ARID4B: variants seen among roughly 807,000 people sequenced by gnomAD.
ARID4B encodes AT-rich interaction domain 4B, also known as AT-rich interactive domain-containing protein 4B.
ARID4B carries 26 observed loss-of-function variants against 147.5 expected under a neutral mutation model. The observed-to-expected ratio is 0.18, with a 90% CI of 0.13 to 0.24. ARID4B has a LOEUF of 0.24. Among genes scored for constraint, ARID4B ranks in the 10% least tolerant of loss-of-function variants. The probability of loss-of-function intolerance (pLI) is 1.00; values close to 1 mark genes in which losing one functional copy is unlikely to be tolerated. For synonymous variants in ARID4B, 512 were observed against 507.9 expected, an observed-to-expected ratio of 1.01 and a Z score of -0.11; for missense variants, 1,179 against 1,511.5, an observed-to-expected ratio of 0.78 and a Z score of 3.65.
chr1:235,256,173 CAAAAA>C (rs58486379), intron 4 of ARID4B, among the ~76,000 whole-genome samples: 57 of 92,486 alleles, frequency 6.2e-4, no homozygotes, highest in Non-Finnish European at 9.1e-4. Flanking sequence ...GACTCTGCCT[CAAAAA>C]AAAAAAAAAA....
At chr1:235,171,137 G>C (rs182162139) in intron 23 of ARID4B, among the ~76,000 whole-genome samples, 3 of 151,976 alleles carry the variant, frequency 2.0e-5, no homozygotes, top group Admixed American at 6.6e-5. Context: ...TGGTAAGAAT[G>C]ATACCTTATT....
chr1:235,247,550 A>G (rs1295061875), intron 6 of ARID4B, among the ~76,000 whole-genome samples: 1 of 152,224 alleles, frequency 6.6e-6, no homozygotes, highest in Non-Finnish European at 1.5e-5. Flanking sequence ...CTAGCCATAA[A>G]GGATTAACTA....
At chr1:235,277,778 C>T (rs1162646988) in intron 2 of ARID4B, among the ~76,000 whole-genome samples, 1 of 152,018 alleles carries the variant, frequency 6.6e-6, no homozygotes, top group Admixed American at 6.6e-5. Context: ...CTATTAGTTG[C>T]TGAGGATATC....
At chr1:235,266,492 T>A (rs1670619602) in intron 2 of ARID4B, among the ~76,000 whole-genome samples, 1 of 152,242 alleles carries the variant, frequency 6.6e-6, no homozygotes, top group Non-Finnish European at 1.5e-5. Flanking sequence ...AGAACAGTTT[T>A]CTGGTTGTCA....
chr1:235,261,159 C>T (rs888414143), intron 2 of ARID4B, among the ~76,000 whole-genome samples: 1 of 152,110 alleles, frequency 6.6e-6, no homozygotes, highest in Non-Finnish European at 1.5e-5. Context: ...AATATTTAGG[C>T]TGTATCTTGG....
chr1:235,298,676 A>G (rs946735271), intron 2 of ARID4B, among the ~76,000 whole-genome samples: 12 of 151,890 alleles, frequency 7.9e-5, no homozygotes, highest in Admixed American at 7.9e-4. Context: ...TTTGTTTAGC[A>G]GAATTGTATT....
chr1:235,233,809 C>T (rs1402428285), intron 9 of ARID4B, among the ~76,000 whole-genome samples: 1 of 152,212 alleles, frequency 6.6e-6, no homozygotes, highest in East Asian at 1.9e-4. Flanking sequence ...AGGCCGGGCG[C>T]GATGGCTCAC....
chr1:235,190,022 G>A (rs892505450), intron 19 of ARID4B: 1 of 154,326 alleles, frequency 6.5e-6, no homozygotes, highest in African/African-American at 2.4e-5. Flanking sequence ...AGGCATCACA[G>A]GGGATGAAAA....
chr1:235,187,050 T>C (rs1664733349), intron 19 of ARID4B: 3 of 396,552 alleles, frequency 7.6e-6, no homozygotes, highest in South Asian at 5.5e-5. Flanking sequence ...CTGCATCTTA[T>C]TCTTTTCTTT....
intron 2 of ARID4B, among the ~76,000 whole-genome samples, chr1:235,318,094 C>CA (rs1674558101): frequency 6.8e-6 from 1 of 146,200 alleles, no homozygotes; most frequent in African/African-American, 2.5e-5. Flanking sequence ...AGTAGACTGA[C>CA]AAAATGTCGT....
chr1:235,214,768 G>A (rs1049702905), intron 16 of ARID4B, among the ~76,000 whole-genome samples: 1 of 78,696 alleles, frequency 1.3e-5, no homozygotes, highest in Non-Finnish European at 3.5e-5. Context: ...CAAAGAAATA[G>A]ACAGATGAGA....
intron 2 of ARID4B, among the ~76,000 whole-genome samples, chr1:235,303,483 A>G (rs61836169): frequency 0.42 from 64,363 of 151,666 alleles, 14,267 homozygotes; most frequent in South Asian, 0.6. Context: ...CAGCACTTTG[A>G]GGGGCCAAGG....
intron 2 of ARID4B, among the ~76,000 whole-genome samples, chr1:235,314,113 C>T (rs1041116293): frequency 1.3e-5 from 2 of 152,054 alleles, no homozygotes; most frequent in African/African-American, 4.8e-5. Flanking sequence ...GTAAGCATTT[C>T]GTATTTTAGA....
At chr1:235,323,555 C>T (rs1031860165) in intron 2 of ARID4B, among the ~76,000 whole-genome samples, 3 of 152,016 alleles carry the variant, frequency 2.0e-5, no homozygotes, top group Admixed American at 2.0e-4. Context: ...GAGGCCGAGG[C>T]GGGCAGATCA....
At chr1:235,261,658 C>T (rs1670305355) in intron 2 of ARID4B, among the ~76,000 whole-genome samples, 1 of 152,172 alleles carries the variant, frequency 6.6e-6, no homozygotes, top group Non-Finnish European at 1.5e-5. Context: ...ATCTTAAATG[C>T]TTTAATAGGA....
At chr1:235,220,228 G>C in intron 15 of ARID4B, 74 bp downstream of exon 15, 2 of 1,334,906 alleles carry the variant, frequency 1.5e-6, no homozygotes, top group Non-Finnish European at 2.0e-6. Context: ...ACAATATATT[G>C]ATTTTGGAAC....
Position 235,194,078 on chromosome 1 carries a change from G to A in ARID4B, c.2060C>T (p.Ala687Val), listed in dbSNP as rs745483517. 1 of 1,612,906 alleles carries A rather than the reference G, an allele frequency of 6.2e-7. No homozygotes were observed. The highest frequency in any genetic ancestry group is 8.5e-7 in the Non-Finnish European group (1 of 1,179,120). Residue 687 changes from alanine to valine, a missense_variant, in exon 19 of 24, where the codon GCC becomes GTC. Ala to Val is a moderately conservative substitution (Grantham distance 64). This residue lies in a region of ARID4B where 321 missense variants were observed against 342.4 expected (regional missense o/e 0.94). Coordinates refer to ENST00000264183, the MANE Select transcript of ARID4B (RefSeq NM_016374.6). ...EMVSKLDLTD[A>V]KNSDTAHIKS... ...AATATGAGCAGTATCAGAGTTTTTG[G>A]CATCAGTGAGATCCAGTTTGGATAC...
intron 19 of ARID4B, among the ~76,000 whole-genome samples, chr1:235,183,456 C>A (rs28510158): frequency 0.04 from 6,024 of 152,300 alleles, 452 homozygotes; most frequent in African/African-American, 0.14. Context: ...GACCCGCCCT[C>A]CTCGGCCTCC....
chr1:235,169,335 A>G lies in ARID4B; in HGVS notation c.3812-683T>C, dbSNP rs1309817674. 9.7e-5 allele frequency among the ~76,000 whole-genome samples: 14 copies of G among 144,588 alleles called. No individual in the cohort carries two copies. The East Asian group carries it at 2.9e-3, about 30-fold the overall frequency. The allele number at this position is 144,588 out of a possible 152,430, so 94.9% of individuals were successfully genotyped here. On this transcript the variant is annotated intron_variant, in intron 23 of 23. Coordinates refer to ENST00000264183, the MANE Select transcript of ARID4B (RefSeq NM_016374.6). The stretch of plus-strand genomic sequence containing the variant: ...GGCTCACTAAAAGTTCTGCCTCCTG[A>G]GTTCACGCCATTCTCCTGCCTCAGC...
Sources: gnomAD v4.1 joint callset for allele counts (sites outside exome capture counted in the v4.1 genomes callset) on GRCh38, gnomAD v4.1.1 for gene constraint, gnomAD v4.1.1 regional missense constraint, MANE v1.5 for transcripts, NCBI Gene and HGNC (gene_info 2026-07-23, HGNC 2026-07-21) for gene names.